Variants in XIRP2 observed in about 807,000 individuals in gnomAD.
XIRP2 encodes xin actin binding repeat containing 2, also known as xin actin-binding repeat-containing protein 2.
A neutral mutation model predicts 277.0 loss-of-function variants in XIRP2; 236 were observed. The observed-to-expected ratio is 0.85, with a 90% CI of 0.77 to 0.95. The LOEUF is 0.95. Among genes scored for constraint, XIRP2 ranks in the 40% least tolerant of loss-of-function variants. The pLI, the probability that XIRP2 is intolerant of heterozygous loss-of-function variation, is 0.00. For synonymous variants in XIRP2, 1,490 were observed against 1,416.5 expected (o/e 1.05, Z -1.17); for missense variants, 4,640 against 4,157.5 (o/e 1.12, Z -3.19).
chr2:167,196,726 G>C (rs1239373679), intron 3 of XIRP2, among the ~76,000 whole-genome samples: 2 of 151,992 alleles, frequency 1.3e-5, no homozygotes, highest in Non-Finnish European at 2.9e-5. Context: ...AGTACACTGG[G>C]ACATCCTGAA....
chr2:167,221,460 C>CAA lies in XIRP2; in HGVS notation c.858+3184_858+3185dup, dbSNP rs57006710. On this transcript the variant is annotated intron_variant, in intron 5 of 10. Coordinates refer to ENST00000409195, the MANE Select transcript of XIRP2 (RefSeq NM_152381.6). ...GGGCAACAAGAGCGAAACTCCATCT[C>CAA]AAAAAAAAAAAAAAAAAAAAAAAAA... 6.8e-3 allele frequency among the ~76,000 whole-genome samples: 425 copies of CAA among 62,154 alleles called. 3 individuals are homozygous for CAA. The highest frequency in any genetic ancestry group is 0.012 in the Middle Eastern group (1 of 82). 40.8% of individuals were successfully genotyped at this position (62,154 alleles called of 152,430 possible).
chr2:167,157,016 T>C (rs1253666641), intron 3 of XIRP2, among the ~76,000 whole-genome samples: 4 of 152,096 alleles, frequency 2.6e-5, no homozygotes, highest in Non-Finnish European at 4.4e-5. Flanking sequence ...TCTTAAATCA[T>C]CCTTATACAT....
intron 3 of XIRP2, among the ~76,000 whole-genome samples, chr2:167,186,254 G>A (rs948087175): frequency 3.7e-4 from 57 of 152,266 alleles, no homozygotes; most frequent in African/African-American, 1.3e-3. Context: ...CACTATCTCA[G>A]AAAGTTGTTC....
rs1694312709 is a variant in XIRP2, at chr2:167,218,165, G to T, written c.724-1G>T. On this transcript the variant is annotated splice_acceptor_variant, in intron 4 of 10. Coordinates refer to ENST00000409195, the MANE Select transcript of XIRP2 (RefSeq NM_152381.6). LOFTEE classifies it high-confidence loss of function. ...TTTTCCTTTTTCTTAAATCATCCTA[G>T]ATGATGGAAGAATCAGAAATGTGCG... 1 of 1,581,890 alleles carries T rather than the reference G, an allele frequency of 6.3e-7. No homozygotes were observed. The highest frequency in any genetic ancestry group is 8.6e-7 in the Non-Finnish European group (1 of 1,165,430).
In XIRP2 at chr2:167,248,880, T is replaced by G. The variant is rs766032134; in HGVS notation, c.7488T>G (p.Ser2496=). 4.8e-5 allele frequency: 78 copies of G among 1,613,522 alleles called. No homozygotes were observed. The highest frequency in any genetic ancestry group is 5.1e-6 in the Non-Finnish European group (6 of 1,179,798). ...AAAGAAAACAATTATCTATTGACTC[T>G]GCAAACTGTCTCTCACACACAGTTC... The part of the protein sequence containing the change: ...LDERKQLSID[S]ANCLSHTVPG... The change falls in exon 9 of 11, where the codon TCT becomes TCG. Residue 2496 remains serine, a synonymous_variant. Coordinates refer to ENST00000409195, the MANE Select transcript of XIRP2 (RefSeq NM_152381.6).
intron 2 of XIRP2, among the ~76,000 whole-genome samples, chr2:167,091,568 A>C (rs1574246976): frequency 6.6e-6 from 1 of 152,038 alleles, no homozygotes; most frequent in Non-Finnish European, 1.5e-5. Context: ...TGAAATTATT[A>C]GCCTTTTCTT....
intron 2 of XIRP2, among the ~76,000 whole-genome samples, chr2:167,070,320 A>G (rs1251130242): frequency 6.6e-6 from 1 of 152,024 alleles, no homozygotes; most frequent in Non-Finnish European, 1.5e-5. Flanking sequence ...TATTTTTGGC[A>G]ATCTTTGTCC....
At chr2:166,905,470 A>G (rs1456315089) in intron 2 of XIRP2, among the ~76,000 whole-genome samples, 4 of 151,994 alleles carry the variant, frequency 2.6e-5, no homozygotes, top group African/African-American at 4.8e-5. Context: ...AATATTCAGC[A>G]TGATAGGTGG....
At chr2:167,196,051 G>A (rs1164364034) in intron 3 of XIRP2, among the ~76,000 whole-genome samples, 1 of 152,102 alleles carries the variant, frequency 6.6e-6, no homozygotes, top group African/African-American at 2.4e-5. Context: ...GTGTGTGTGT[G>A]TAAAGAGAGA....
chr2:167,175,027 G>A (rs1334012919), intron 3 of XIRP2, among the ~76,000 whole-genome samples: 1 of 152,138 alleles, frequency 6.6e-6, no homozygotes, highest in African/African-American at 2.4e-5. Flanking sequence ...TTTAGAATAA[G>A]GATGATGTGG....
chr2:167,067,710 T>C (rs78071727), intron 2 of XIRP2, among the ~76,000 whole-genome samples: 7,609 of 152,288 alleles, frequency 0.05, 459 homozygotes, highest in African/African-American at 0.14. Flanking sequence ...ACTAGCTCGA[T>C]GCAGGGTTGC....
chr2:167,077,194 G>T (rs1291369502), intron 2 of XIRP2, among the ~76,000 whole-genome samples: 1 of 152,036 alleles, frequency 6.6e-6, no homozygotes, highest in Non-Finnish European at 1.5e-5. Flanking sequence ...TATTTGGGGA[G>T]AAAAAGATTA....
chr2:167,024,824 A>C (rs1688102681), intron 2 of XIRP2, among the ~76,000 whole-genome samples: 2 of 152,240 alleles, frequency 1.3e-5, no homozygotes, highest in Admixed American at 6.5e-5. Context: ...ATGGTGGATA[A>C]GTTTTTTGAT....
intron 2 of XIRP2, among the ~76,000 whole-genome samples, chr2:167,024,328 G>A (rs1196964877): frequency 1.3e-5 from 2 of 152,084 alleles, no homozygotes; most frequent in African/African-American, 4.8e-5. Context: ...TGCTGAAGTT[G>A]CTTATCAGCT....
intron 2 of XIRP2, among the ~76,000 whole-genome samples, chr2:166,976,467 G>A (rs755433817): frequency 2.0e-5 from 3 of 152,096 alleles, no homozygotes; most frequent in Admixed American, 6.5e-5. Context: ...CTTTTTAGCT[G>A]TTGTTCTTTT....
intron 2 of XIRP2, among the ~76,000 whole-genome samples, chr2:166,908,712 T>A (rs945805215): frequency 2.0e-5 from 3 of 152,192 alleles, no homozygotes; most frequent in Admixed American, 6.5e-5. Context: ...CTGAATGGTA[T>A]AGCCTAGGTT....
In XIRP2 at chr2:167,243,807, G is replaced by A. The variant is rs1030722414; in HGVS notation, c.2415G>A (p.Val805=). ...ISMEENVKGG[V]SKAKWLFETQ... Reference sequence around the variant, plus strand: ...TGGAAGAAAATGTCAAAGGTGGGGTGAGTAAGGCAAAGTGGTTATTTGAAA... The same window carrying A: ...TGGAAGAAAATGTCAAAGGTGGGGTAAGTAAGGCAAAGTGGTTATTTGAAA... Residue 805 remains valine, a synonymous_variant, in exon 9 of 11, where the codon GTG becomes GTA. Transcript: ENST00000409195. 1.9e-6 allele frequency: 3 copies of A among 1,614,032 alleles called. No individual in the cohort carries two copies. Among genetic ancestry groups the A allele is most frequent in the African/African-American group, 1.3e-5 (1 of 75,032 alleles).
At chr2:167,183,105 C>T (rs1348000217) in intron 3 of XIRP2, among the ~76,000 whole-genome samples, 2 of 152,108 alleles carry the variant, frequency 1.3e-5, no homozygotes, top group African/African-American at 2.4e-5. Flanking sequence ...GACCTAATGT[C>T]GTATATCAAC....
intron 3 of XIRP2, among the ~76,000 whole-genome samples, chr2:167,172,190 T>C (rs199677915): frequency 0.098 from 14,975 of 152,062 alleles, 773 homozygotes; most frequent in South Asian, 0.15. Context: ...TCCGTGATGC[T>C]CCCCAAGCCG....
Sources: gnomAD v4.1 joint callset for allele counts (sites outside exome capture counted in the v4.1 genomes callset) on GRCh38, gnomAD v4.1.1 for gene constraint, MANE v1.5 for transcripts, NCBI Gene and HGNC (gene_info 2026-07-23, HGNC 2026-07-21) for gene names.